The following ATG7 variants were observed in gnomAD, a reference collection of about 807,000 sequenced individuals.
ATG7 encodes ubiquitin-like modifier-activating enzyme ATG7.
In ATG7, 70 loss-of-function variants were observed where a neutral mutation model predicts 82.4. The observed-to-expected ratio is 0.85, with a 90% CI of 0.70 to 1.04. The LOEUF (loss-of-function observed/expected upper bound fraction) is 1.04, where lower values mean the gene tolerates loss of function less well. ATG7 is among the 50% of genes least tolerant of loss of function. The probability of loss-of-function intolerance (pLI) is 0.00; values close to 1 mark genes in which losing one functional copy is unlikely to be tolerated. For synonymous variants in ATG7, 287 were observed against 313.0 expected, an observed-to-expected ratio of 0.92 and a Z score of 0.88; for missense variants, 792 against 864.3, an observed-to-expected ratio of 0.92 and a Z score of 1.05.
At chr3:11,291,371 G>A (rs1944957815) in intron 3 of ATG7, among the ~76,000 whole-genome samples, 3 of 152,202 alleles carry the variant, frequency 2.0e-5, no homozygotes, top group African/African-American at 4.8e-5. Context: ...AGGCTGATGG[G>A]CAGTAGAAAG....
chr3:11,397,535 G>A (rs1322359217), intron 19 of ATG7, among the ~76,000 whole-genome samples: 1 of 151,932 alleles, frequency 6.6e-6, no homozygotes, highest in Non-Finnish European at 1.5e-5. Flanking sequence ...TTGGGTCACT[G>A]TAGCCTCCAT....
chr3:11,358,300 A>C (rs1401288557), intron 14 of ATG7, 118 bp from the exon 15 acceptor site: 4 of 985,356 alleles, frequency 4.1e-6, no homozygotes, highest in Non-Finnish European at 6.1e-6. Context: ...ATAATAGTGC[A>C]CAGGGAGCTC....
intron 13 of ATG7, among the ~76,000 whole-genome samples, chr3:11,343,530 TTATC>T (rs1953998774): frequency 6.6e-6 from 1 of 152,182 alleles, no homozygotes; most frequent in Non-Finnish European, 1.5e-5. Flanking sequence ...TTTTCTCAGT[TTATC>T]TAAGGTGTCT....
chr3:11,283,642 ACT>A (rs1273597180), intron 3 of ATG7, among the ~76,000 whole-genome samples: 1 of 149,678 alleles, frequency 6.7e-6, no homozygotes, highest in African/African-American at 2.5e-5. Context: ...ACCATTAAAA[ACT>A]CTCCTGCTTG....
intron 20 of ATG7, among the ~76,000 whole-genome samples, chr3:11,538,771 G>A (rs2125013748): frequency 6.7e-6 from 1 of 149,464 alleles, no homozygotes; most frequent in South Asian, 2.1e-4. Flanking sequence ...CTACCCAGGA[G>A]GCTAAGATGG....
At chr3:11,568,952 A>G in the ATG7 span, 25 of 1,205,230 alleles carry the variant, frequency 2.1e-5, no homozygotes, top group Middle Eastern at 3.5e-4. The surrounding 1 kb of genome is among the most constrained non-coding windows in gnomAD (Gnocchi z 5.9). Flanking sequence ...ACGGAGAGAA[A>G]GATGGAAAGA....
chr3:11,307,597 A>T (rs148453435), intron 6 of ATG7, among the ~76,000 whole-genome samples: 1 of 152,174 alleles, frequency 6.6e-6, no homozygotes, highest in African/African-American at 2.4e-5. Context: ...TGAGTCTGTC[A>T]TAGCAAATCA....
chr3:11,547,951 C>T (rs1461034376), intron 20 of ATG7, among the ~76,000 whole-genome samples: 1 of 152,130 alleles, frequency 6.6e-6, no homozygotes, highest in Non-Finnish European at 1.5e-5. Flanking sequence ...AAGGGATCCT[C>T]CCACCTCAGC....
the ATG7 span, among the ~76,000 whole-genome samples, chr3:11,573,297 AAG>A: frequency 8.3e-5 from 1 of 12,078 alleles, no homozygotes. Flanking sequence ...GAAAGAAAGA[AAG>A]AAAGAAAGGA....
At chr3:11,348,231 A>C in intron 14 of ATG7, 196 bp downstream of exon 14, 2 of 664,302 alleles carry the variant, frequency 3.0e-6, no homozygotes, top group Non-Finnish European at 4.8e-6. Context: ...ATGGTGGCTC[A>C]TACCTGCAAT....
At chr3:11,345,955 C>T (rs1384493754) in intron 13 of ATG7, among the ~76,000 whole-genome samples, 1 of 152,218 alleles carries the variant, frequency 6.6e-6, no homozygotes, top group African/African-American at 2.4e-5. Flanking sequence ...TCACTTGTCA[C>T]ATTTCAGTGT....
At chr3:11,461,752 C>T (rs1242730422) in intron 20 of ATG7, among the ~76,000 whole-genome samples, 1 of 151,942 alleles carries the variant, frequency 6.6e-6, no homozygotes, top group Non-Finnish European at 1.5e-5. Flanking sequence ...CTGGGCCGGG[C>T]GCAGTGGCTC....
intron 7 of ATG7, 57 bp downstream of exon 7, chr3:11,309,118 A>G (rs1948228800): frequency 1.8e-5 from 26 of 1,461,196 alleles, no homozygotes; most frequent in Non-Finnish European, 2.4e-5. Flanking sequence ...GGCTTAGCCC[A>G]GTGTACCAGT....
At position 11,364,690 on chromosome 3, in the gene ATG7, C is replaced by G; in HGVS notation, c.1831C>G (p.Arg611Gly). 6.2e-7 allele frequency: 1 copy of G among 1,614,134 alleles called. No homozygotes were observed. Among genetic ancestry groups the G allele is most frequent in the Non-Finnish European group, 8.5e-7 (1 of 1,180,012 alleles). ...TGCCATTGCCAGCAGCAGTGACGAT[C>G]GGATGAATGAGCCTCCAACCTCTCT... ...GYAIASSSDD[R>G]MNEPPTSLGL... The change falls in exon 18 of 21, where the codon CGG becomes GGG. Residue 611 changes from arginine to glycine, a missense_variant. Coordinates refer to ENST00000693202, the MANE Select transcript of ATG7 (RefSeq NM_001349232.2).
intron 19 of ATG7, among the ~76,000 whole-genome samples, chr3:11,390,793 T>C (rs921959740): frequency 3.3e-5 from 5 of 152,128 alleles, no homozygotes; most frequent in African/African-American, 1.2e-4. Flanking sequence ...AAATGGCACA[T>C]GGGTGTGAAC....
At chr3:11,389,763 GTGTTGAATCGTAATCTGAACTCACC>G (rs2078635872) in intron 19 of ATG7, among the ~76,000 whole-genome samples, 1 of 152,212 alleles carries the variant, frequency 6.6e-6, no homozygotes, top group Non-Finnish European at 1.5e-5. Context: ...TGTGGAGCAT[GTGTTGAATCGTAATCTGAACTCACC>G]TGTCGTCATA....
intron 20 of ATG7, among the ~76,000 whole-genome samples, chr3:11,453,040 A>G (rs539886169): frequency 2.0e-5 from 3 of 152,338 alleles, no homozygotes; most frequent in African/African-American, 7.2e-5. Context: ...TTGGAAGCAG[A>G]CAGTCCTTCC....
chr3:11,505,461 T>C (rs2091643626), intron 20 of ATG7, among the ~76,000 whole-genome samples: 1 of 152,210 alleles, frequency 6.6e-6, no homozygotes, highest in African/African-American at 2.4e-5. Flanking sequence ...CCTATTACTA[T>C]TTTTGGTTAT....
chr3:11,285,051 C>T (rs1039432560), intron 3 of ATG7, among the ~76,000 whole-genome samples: 1 of 150,532 alleles, frequency 6.6e-6, no homozygotes, highest in Non-Finnish European at 1.5e-5. Context: ...GGGGTTTCAC[C>T]GTGTTAGCCA....
Sources: allele counts gnomAD v4.1 joint callset (sites outside exome capture counted in the v4.1 genomes callset), GRCh38; gene constraint gnomAD v4.1.1; non-coding constraint Gnocchi (gnomAD v3.1); transcripts MANE v1.5; gene names NCBI Gene and HGNC (gene_info 2026-07-23, HGNC 2026-07-21).